CASZ1: variants seen among roughly 807,000 people sequenced by gnomAD.
CASZ1 encodes castor zinc finger 1.
CASZ1 carries 28 observed loss-of-function variants against 135.2 expected under a neutral mutation model. The observed-to-expected ratio is 0.21, with a 90% CI of 0.15 to 0.28. CASZ1 has a LOEUF of 0.28. Ranked by LOEUF, CASZ1 falls within the 10% of genes least tolerant of loss-of-function variation. The pLI, the probability that CASZ1 is intolerant of heterozygous loss-of-function variation, is 1.00. For missense variants in CASZ1, 2,161 were observed against 2,453.3 expected (o/e 0.88, Z 2.52); for synonymous variants, 1,068 against 1,073.4 (o/e 0.99, Z 0.10).
intron 4 of CASZ1, among the ~76,000 whole-genome samples, chr1:10,677,624 A>T (rs1638266054): frequency 6.6e-6 from 1 of 152,222 alleles, no homozygotes; most frequent in African/African-American, 2.4e-5. Context: ...ACCGAGGTCC[A>T]AGAGGCTGAG....
In CASZ1 at chr1:10,657,799, G is replaced by T. The variant is rs1642857203; in HGVS notation, c.1409+709C>A. 1.3e-5 allele frequency among the ~76,000 whole-genome samples: 2 copies of T among 150,518 alleles called. No individual in the cohort carries two copies. Among genetic ancestry groups the T allele is most frequent in the South Asian group, 4.3e-4 (2 of 4,692 alleles). ...CCCATCAGAGGGCAGGCGGTGGGGG[G>T]GTGGGGGCGGGGGGTGTTATTTGTG... On this transcript the variant is annotated intron_variant, in intron 7 of 20. Coordinates refer to ENST00000377022, the MANE Select transcript of CASZ1 (RefSeq NM_001079843.3). The surrounding 1 kb of genome is among the most constrained non-coding windows in gnomAD (Gnocchi z 5.7).
Position 10,766,649 on chromosome 1 carries a change from A to G in CASZ1, c.-233-5792T>C, listed in dbSNP as rs186336553. On this transcript the variant is annotated intron_variant, in intron 1 of 20. Coordinates refer to ENST00000377022, the MANE Select transcript of CASZ1 (RefSeq NM_001079843.3). ...GCAGGTGCTGTCAAGCATTTGATAA[A>G]TCAATCACAAAGCCTAAACAAAGAG... Among the ~76,000 whole-genome samples the G allele has an allele frequency of 1.1e-3, 174 of 152,350 alleles. 4 individuals are homozygous for G. Among genetic ancestry groups the G allele is most frequent in the Admixed American group, 0.011 (171 of 15,306 alleles).
chr1:10,652,974 G>A, intron 11 of CASZ1: 1 of 283,378 alleles, frequency 3.5e-6, no homozygotes, highest in Non-Finnish European at 6.9e-6. Context: ...CTGGACGCAG[G>A]CCCTGCTCCA....
intron 2 of CASZ1, among the ~76,000 whole-genome samples, chr1:10,750,046 G>C (rs1033364117): frequency 4.6e-5 from 7 of 152,164 alleles, no homozygotes; most frequent in African/African-American, 1.7e-4. Context: ...CAGGCAGCTT[G>C]CCTAGACAGG....
chr1:10,744,400 C>T (rs889161996), intron 2 of CASZ1, among the ~76,000 whole-genome samples: 74 of 125,350 alleles, frequency 5.9e-4, no homozygotes, highest in Non-Finnish European at 9.1e-4. Flanking sequence ...CTGGGCACCA[C>T]GAGCAGGCAT....
rs556560272 is a variant in CASZ1, at chr1:10,679,674, C to T, written c.17-14103G>A. On this transcript the variant is annotated intron_variant, in intron 4 of 20. Coordinates refer to ENST00000377022, the MANE Select transcript of CASZ1 (RefSeq NM_001079843.3). The surrounding 1 kb of genome is among the most constrained non-coding windows in gnomAD (Gnocchi z 4.7). Reference sequence around the variant, plus strand: ...CCTGTGCCTGCACGGGCACCCTTCTCCTCCCCTCCACCTGCCTCATCTTCA... The same window carrying T: ...CCTGTGCCTGCACGGGCACCCTTCTTCTCCCCTCCACCTGCCTCATCTTCA... 1.2e-4 allele frequency among the ~76,000 whole-genome samples: 19 copies of T among 152,330 alleles called. No individual in the cohort carries two copies. The East Asian group carries it at 1.9e-3, about 15-fold the overall frequency.
intron 6 of CASZ1, 138 bp from the exon 7 acceptor site, chr1:10,658,714 G>T: frequency 1.4e-6 from 1 of 720,438 alleles, no homozygotes; most frequent in South Asian, 1.5e-5. Context: ...CCCACGGTGG[G>T]ACTGAGGACA....
chr1:10,750,262 A>C (rs1195696755), intron 2 of CASZ1, among the ~76,000 whole-genome samples: 1 of 151,716 alleles, frequency 6.6e-6, no homozygotes, highest in Non-Finnish European at 1.5e-5. Context: ...CTTTGCTTCG[A>C]TTTTCTTTTC....
chr1:10,643,800 C>T (rs866015624), intron 18 of CASZ1, among the ~76,000 whole-genome samples: 10 of 152,182 alleles, frequency 6.6e-5, no homozygotes, highest in South Asian at 2.1e-4. Flanking sequence ...AGGGCCTGTC[C>T]GCTGCCATGG....
In CASZ1 at chr1:10,706,193, G is replaced by A. The variant is rs1206071797; in HGVS notation, c.-76-649C>T. Among the ~76,000 whole-genome samples, 1 of 152,210 alleles carries A rather than the reference G, an allele frequency of 6.6e-6. No homozygotes were observed. The highest frequency in any genetic ancestry group is 1.5e-5 in the Non-Finnish European group (1 of 68,032). ...AGACCGTGCAGGGAGAGGGACGATGGTCAGACAACGTGGAGGCTTTAACCA... is the reference window on the plus strand; with the variant it reads ...AGACCGTGCAGGGAGAGGGACGATGATCAGACAACGTGGAGGCTTTAACCA... On this transcript the variant is annotated intron_variant, in intron 2 of 20. Transcript: ENST00000377022. The surrounding 1 kb of genome is among the most constrained non-coding windows in gnomAD (Gnocchi z 4.3).
At chr1:10,731,141 C>T (rs919964977) in intron 2 of CASZ1, among the ~76,000 whole-genome samples, 1 of 152,140 alleles carries the variant, frequency 6.6e-6, no homozygotes, top group African/African-American at 2.4e-5. Context: ...TGTCAACACT[C>T]TGAAGACCTG....
chr1:10,648,906 A>G (rs1642461178), intron 15 of CASZ1, 164 bp downstream of exon 15: 3 of 935,040 alleles, frequency 3.2e-6, no homozygotes, highest in South Asian at 3.3e-5. Context: ...TGCATGTGTG[A>G]AGGAGGATGG....
Position 10,700,078 on chromosome 1 carries a change from G to GACACACACACACACAC in CASZ1, c.-24+5413_-24+5414insGTGTGTGTGTGTGTGT, listed in dbSNP as rs1443024550. On this transcript the variant is annotated intron_variant, in intron 3 of 20. Coordinates refer to ENST00000377022, the MANE Select transcript of CASZ1 (RefSeq NM_001079843.3). The surrounding 1 kb of genome is among the most constrained non-coding windows in gnomAD (Gnocchi z 4.2). The stretch of plus-strand genomic sequence containing the variant: ...AGAGACAGAGAGAGAAAGAGAGATA[G>GACACACACACACACAC]AGACACACACACACACACACACACA... Among the ~76,000 whole-genome samples, 100 of 74,158 alleles carry GACACACACACACACAC rather than the reference G, an allele frequency of 1.3e-3. 1 individual carries two copies. Among genetic ancestry groups the GACACACACACACACAC allele is most frequent in the Middle Eastern group, 8.6e-3 (1 of 116 alleles). The allele number at this position is 74,158 out of a possible 152,430, so 48.7% of individuals were successfully genotyped here. A position where few individuals can be genotyped will look rare whatever the true frequency, so the allele number is the denominator to read the frequency against.
intron 1 of CASZ1, among the ~76,000 whole-genome samples, 166 bp downstream of exon 1, chr1:10,796,398 G>C (rs755036085): frequency 3.3e-5 from 5 of 152,076 alleles, no homozygotes; most frequent in Non-Finnish European, 7.4e-5. Context: ...AGGCTGGCTG[G>C]CTGGCTCGCT....
chr1:10,739,686 A>G lies in CASZ1; in HGVS notation c.-77+21015T>C, dbSNP rs1639876253. Among the ~76,000 whole-genome samples the G allele has an allele frequency of 6.6e-6, 1 of 152,214 alleles. No individual in the cohort carries two copies. Among genetic ancestry groups the G allele is most frequent in the Admixed American group, 6.5e-5 (1 of 15,294 alleles). On this transcript the variant is annotated intron_variant, in intron 2 of 20. Transcript: ENST00000377022. The surrounding 1 kb of genome is among the most constrained non-coding windows in gnomAD (Gnocchi z 4.8). ...ATAGTTTGGCCCAAATGTCCCGGCC[A>G]GGGTGGCTCTGTGTCAAAGGCCCTG...
intron 4 of CASZ1, among the ~76,000 whole-genome samples, chr1:10,693,127 T>C (rs1380129691): frequency 1.3e-5 from 2 of 152,132 alleles, no homozygotes; most frequent in African/African-American, 2.4e-5. Context: ...CCCCCGGCCT[T>C]GTCCCACAGG....
chr1:10,662,882 G>A (rs1392015638), intron 5 of CASZ1, among the ~76,000 whole-genome samples: 3 of 152,160 alleles, frequency 2.0e-5, no homozygotes, highest in East Asian at 3.8e-4. Context: ...GGGAGAAGGC[G>A]GTCAGTCCCA....
chr1:10,739,158 G>T lies in CASZ1; in HGVS notation c.-77+21543C>A, dbSNP rs370978408. On this transcript the variant is annotated intron_variant, in intron 2 of 20. Coordinates refer to ENST00000377022, the MANE Select transcript of CASZ1 (RefSeq NM_001079843.3). The surrounding 1 kb of genome is among the most constrained non-coding windows in gnomAD (Gnocchi z 4.8). ...GAAACAAGTCACCCAGGCATCTTGT[G>T]GAGGGTGGCTGCTCTTTTCAGGCCG... Among the ~76,000 whole-genome samples the T allele has an allele frequency of 2.6e-5, 4 of 152,130 alleles. No homozygotes were observed. Among genetic ancestry groups the T allele is most frequent in the Non-Finnish European group, 5.9e-5 (4 of 68,018 alleles).
chr1:10,685,686 C>T (rs1396771270), intron 4 of CASZ1, among the ~76,000 whole-genome samples: 1 of 151,506 alleles, frequency 6.6e-6, no homozygotes, highest in Non-Finnish European at 1.5e-5. Context: ...CGAAGCTGGC[C>T]CCGCATGGCC....
Sources: allele counts gnomAD v4.1 joint callset (sites outside exome capture counted in the v4.1 genomes callset), GRCh38; gene constraint gnomAD v4.1.1; non-coding constraint Gnocchi (gnomAD v3.1); transcripts MANE v1.5; gene names NCBI Gene and HGNC (gene_info 2026-07-23, HGNC 2026-07-21).